The following ETV1 variants were observed in gnomAD, a reference collection of about 807,000 sequenced individuals.
ETV1 encodes the protein ETS variant transcription factor 1, also known as ETS translocation variant 1.
A neutral mutation model predicts 62.3 loss-of-function variants in ETV1; 27 were observed. That is an observed-to-expected ratio of 0.43 (90% CI 0.32 to 0.60). The LOEUF is 0.60. ETV1 is among the 20% of genes least tolerant of loss of function. ETV1 has a pLI of 0.06. For missense variants in ETV1, 605 were observed against 605.8 expected (o/e 1.00, Z 0.01); for synonymous variants, 222 against 199.6 (o/e 1.11, Z -0.94).
At chr7:13,933,056 T>A (rs1786375267) in intron 8 of ETV1, among the ~76,000 whole-genome samples, 2 of 152,180 alleles carry the variant, frequency 1.3e-5, no homozygotes, top group South Asian at 4.1e-4. Flanking sequence ...ATTTCCCTTC[T>A]CTTGCTTATT....
In ETV1 at chr7:13,906,557, G is replaced by A; in HGVS notation, c.983C>T (p.Thr328Ile). Residue 328 changes from threonine (T) to isoleucine (I), a missense_variant, in exon 12 of 14, where the codon ACA (threonine) becomes ATA (isoleucine). Physicochemically the swap from Thr to Ile is moderately conservative, Grantham distance 89. Coordinates refer to ENST00000430479, the MANE Select transcript of ETV1 (RefSeq NM_004956.5). The stretch of plus-strand genomic sequence containing the variant: ...CTGAAGTGATCCTCGCCGTTGGTAT[G>A]TGGGTCCTTCCCGATACATTCCTGG... ...QEPGMYREGPTYQRRGSLQLW... is the reference protein window; with the variant it reads ...QEPGMYREGPIYQRRGSLQLW... 6.2e-7 allele frequency: 1 copy of A among 1,612,466 alleles called. No individual in the cohort carries two copies. Among genetic ancestry groups the A allele is most frequent in the South Asian group, 1.1e-5 (1 of 90,664 alleles).
chr7:13,910,834 G>A (rs969686459), intron 10 of ETV1, among the ~76,000 whole-genome samples: 6 of 152,072 alleles, frequency 3.9e-5, no homozygotes, highest in Non-Finnish European at 4.4e-5. Flanking sequence ...ATAAAATCCA[G>A]AACATTTAAA....
intron 9 of ETV1, among the ~76,000 whole-genome samples, chr7:13,915,743 T>A (rs77569081): frequency 1.4e-4 from 21 of 151,858 alleles, no homozygotes; most frequent in Middle Eastern, 3.4e-3. Context: ...CTAGAATGAA[T>A]GATAATGGAA....
chr7:13,955,842 T>C (rs559220315), intron 6 of ETV1, among the ~76,000 whole-genome samples: 1 of 152,166 alleles, frequency 6.6e-6, no homozygotes, highest in East Asian at 1.9e-4. Flanking sequence ...CTCATTTTTT[T>C]CTACAAGAAC....
chr7:13,940,608 T>G (rs1054866956), intron 6 of ETV1, among the ~76,000 whole-genome samples: 1 of 152,168 alleles, frequency 6.6e-6, no homozygotes, highest in Non-Finnish European at 1.5e-5. Context: ...TCTGGAGATT[T>G]ATTCTAACTC....
intron 6 of ETV1, among the ~76,000 whole-genome samples, chr7:13,960,568 C>T (rs1790051603): frequency 6.6e-6 from 1 of 151,970 alleles, no homozygotes; most frequent in South Asian, 2.1e-4. Context: ...AGATTTAAAC[C>T]TACTCCAATC....
chr7:13,902,886 T>C (rs1297457295), intron 12 of ETV1, among the ~76,000 whole-genome samples: 1 of 152,180 alleles, frequency 6.6e-6, no homozygotes, highest in Non-Finnish European at 1.5e-5. Flanking sequence ...ATCATGGGTA[T>C]TAGTGGACAT....
At chr7:13,908,874 A>G (rs1783255611) in intron 11 of ETV1, among the ~76,000 whole-genome samples, 2 of 152,078 alleles carry the variant, frequency 1.3e-5, no homozygotes, top group Non-Finnish European at 2.9e-5. Context: ...TTTCCTGTCA[A>G]ACGATCAAAG....
intron 6 of ETV1, among the ~76,000 whole-genome samples, chr7:13,959,650 G>A (rs1018791848): frequency 1.3e-5 from 2 of 151,954 alleles, no homozygotes; most frequent in South Asian, 2.1e-4. Flanking sequence ...TTGCAAGGCC[G>A]AGGCAGGTGG....
chr7:13,910,960 T>C (rs919438963), intron 10 of ETV1, among the ~76,000 whole-genome samples: 2 of 152,184 alleles, frequency 1.3e-5, no homozygotes, highest in African/African-American at 2.4e-5. Context: ...GGCTAATCTA[T>C]AAAGCATATG....
At chr7:13,900,668 C>A in intron 13 of ETV1, 70 bp downstream of exon 13, 6 of 1,046,060 alleles carry the variant, frequency 5.7e-6, no homozygotes, top group East Asian at 2.6e-5. Context: ...TGATATGTGG[C>A]GTTTAAAGTA....
At chr7:13,940,986 G>A (rs1041278259) in intron 6 of ETV1, among the ~76,000 whole-genome samples, 1 of 151,914 alleles carries the variant, frequency 6.6e-6, no homozygotes, top group East Asian at 1.9e-4. Context: ...AATTACCCTT[G>A]GTACACTATT....
At chr7:13,937,821 G>C (rs994176591) in intron 7 of ETV1, among the ~76,000 whole-genome samples, 1 of 152,296 alleles carries the variant, frequency 6.6e-6, no homozygotes, top group African/African-American at 2.4e-5. Flanking sequence ...TTTCAATTGA[G>C]CTAGCTCATA....
At chr7:13,957,307 C>T (rs1343318838) in intron 6 of ETV1, among the ~76,000 whole-genome samples, 1 of 151,914 alleles carries the variant, frequency 6.6e-6, no homozygotes, top group East Asian at 1.9e-4. Context: ...AGGATGGTCT[C>T]GATCTCCTGA....
chr7:13,947,831 T>C (rs1245234180), intron 6 of ETV1, among the ~76,000 whole-genome samples: 3 of 152,180 alleles, frequency 2.0e-5, no homozygotes, highest in South Asian at 4.1e-4. Flanking sequence ...TATGGAGCTA[T>C]GGAATGAAGA....
chr7:13,937,559 T>G (rs1346026110), intron 7 of ETV1, among the ~76,000 whole-genome samples: 1 of 152,186 alleles, frequency 6.6e-6, no homozygotes, highest in Admixed American at 6.5e-5. Flanking sequence ...TATAAAACAG[T>G]GATGATTTCA....
rs146334593 is a variant in ETV1 at position 13,977,414 on chromosome 7, A to G, written c.235+13T>C. ...GACAGAAAAATACAAGAGATGAGTC[A>G]TACTATACTTACAACTTTCAGCCTG... On this transcript the variant is annotated intron_variant, in intron 6 of 13. Transcript: ENST00000430479. 28,967 of 1,504,242 alleles carry G rather than the reference A, an allele frequency of 0.019. 385 individuals are homozygous for G. Among genetic ancestry groups the G allele is most frequent in the Non-Finnish European group, 0.022 (24,166 of 1,105,688 alleles). The allele number at this position is 1,504,242 out of a possible 1,614,324, so 93.2% of individuals were successfully genotyped here. A position where few individuals can be genotyped will look rare whatever the true frequency, so the allele number is the denominator to read the frequency against.
intron 5 of ETV1, among the ~76,000 whole-genome samples, chr7:13,984,755 C>T (rs2282866): frequency 0.57 from 86,912 of 151,718 alleles, 25,233 homozygotes; most frequent in African/African-American, 0.63. Context: ...TCCAAATACA[C>T]TGATCATTTT....
chr7:13,894,341 T>G lies in ETV1; in HGVS notation c.*1525A>C. On this transcript the variant is annotated 3_prime_UTR_variant, in exon 14 of 14. Transcript: ENST00000430479. ...GAAACAACATACCCTGCTTTCAATATTTTCTCCAAATGCAAAGCAAAAACA... is the reference window on the plus strand; with the variant it reads ...GAAACAACATACCCTGCTTTCAATAGTTTCTCCAAATGCAAAGCAAAAACA... 4.3e-6 allele frequency: 1 copy of G among 232,804 alleles called. No homozygotes were observed. Among genetic ancestry groups the G allele is most frequent in the Non-Finnish European group, 8.5e-6 (1 of 117,620 alleles). The allele number at this position is 232,804 out of a possible 1,614,324, so 14.4% of individuals were successfully genotyped here. A position where few individuals can be genotyped will look rare whatever the true frequency, so the allele number is the denominator to read the frequency against.
Sources: allele counts gnomAD v4.1 joint callset (sites outside exome capture counted in the v4.1 genomes callset), GRCh38; gene constraint gnomAD v4.1.1; transcripts MANE v1.5; gene names NCBI Gene and HGNC (gene_info 2026-07-23, HGNC 2026-07-21).